The following USP50 variants were observed in gnomAD, a reference collection of about 807,000 sequenced individuals.
The protein encoded by USP50 is ubiquitin carboxyl-terminal hydrolase 50.
A neutral mutation model predicts 39.2 loss-of-function variants in USP50; 37 were observed. The observed-to-expected ratio is 0.94, with a 90% CI of 0.73 to 1.24. The LOEUF is 1.24. USP50 is among the 50% of genes most tolerant of loss of function. The probability of loss-of-function intolerance (pLI) is 0.00; values close to 1 mark genes in which losing one functional copy is unlikely to be tolerated. For missense variants in USP50, 374 were observed against 398.2 expected (o/e 0.94, Z 0.52); for synonymous variants, 139 against 144.5 (o/e 0.96, Z 0.27).
intron 6 of USP50, chr15:50,505,693 T>TTTTAATTA (rs1324980748): frequency 6.6e-6 from 1 of 152,360 alleles, no homozygotes; most frequent in African/African-American, 2.4e-5. Flanking sequence ...GCATGGTGGT[T>TTTTAATTA]CACACCTGTA....
intron 6 of USP50, chr15:50,504,174 A>T (rs1566900306): frequency 6.6e-6 from 1 of 152,202 alleles, no homozygotes; most frequent in Admixed American, 6.5e-5. Context: ...ATTAGATATT[A>T]TAAGTAATCC....
At position 50,517,433 on chromosome 15, in the gene USP50, T is replaced by C. The variant is rs918874641; in HGVS notation, c.936+12364A>G. On this transcript the variant is annotated intron_variant, in intron 6 of 6. Coordinates refer to ENST00000532404, the MANE Select transcript of USP50 (RefSeq NM_203494.5). ...GTTATGGTTAGCAGAGATCACACCA[T>C]TGGACTCCAGCCTAGGCAACAAGAG... 4.0e-5 allele frequency among the ~76,000 whole-genome samples: 6 copies of C among 151,246 alleles called. No homozygotes were observed. The South Asian group carries it at 8.3e-4, about 21-fold the overall frequency.
downstream of USP50, among the ~76,000 whole-genome samples, chr15:50,496,480 T>TAAAA: frequency 8.6e-6 from 1 of 116,498 alleles, no homozygotes; most frequent in African/African-American, 3.3e-5. Flanking sequence ...GACTCCGTCT[T>TAAAA]AAAAAAAAAA....
downstream of USP50, chr15:50,497,205 A>G: frequency 6.2e-7 from 1 of 1,609,834 alleles, no homozygotes; most frequent in African/African-American, 1.3e-5. Flanking sequence ...GGAAGTTACC[A>G]CCTGTGCTTT....
At chr15:50,536,080 A>T (rs1185374493) in intron 5 of USP50, among the ~76,000 whole-genome samples, 1 of 152,200 alleles carries the variant, frequency 6.6e-6, no homozygotes, top group Non-Finnish European at 1.5e-5. Context: ...CAAGGCAAGG[A>T]TGTCCCCTCA....
intron 6 of USP50, among the ~76,000 whole-genome samples, chr15:50,528,074 T>G (rs1458351909): frequency 6.6e-6 from 1 of 150,726 alleles, no homozygotes; most frequent in Admixed American, 6.6e-5. Flanking sequence ...AGTTTTTTTT[T>G]TTTTTTTTTT....
intron 1 of USP50, among the ~76,000 whole-genome samples, chr15:50,545,672 T>C (rs2053065700): frequency 6.6e-6 from 1 of 151,936 alleles, no homozygotes; most frequent in Non-Finnish European, 1.5e-5. Flanking sequence ...TATATGTGTA[T>C]GTATATAGCT....
At chr15:50,545,673 G>A (rs2053065718) in intron 1 of USP50, among the ~76,000 whole-genome samples, 1 of 151,688 alleles carries the variant, frequency 6.6e-6, no homozygotes, top group Non-Finnish European at 1.5e-5. Context: ...ATATGTGTAT[G>A]TATATAGCTA....
intron 6 of USP50, chr15:50,503,951 T>G (rs1459419333): frequency 1.3e-5 from 2 of 152,140 alleles, no homozygotes; most frequent in Non-Finnish European, 2.9e-5. Context: ...TAAAGTATAT[T>G]TAAATATATT....
At chr15:50,501,079 C>T (rs1291380146) in intron 6 of USP50, 1 of 437,828 alleles carries the variant, frequency 2.3e-6, no homozygotes, top group Non-Finnish European at 4.2e-6. Context: ...CAATATTTAG[C>T]AGCATCTGAT....
At chr15:50,523,087 C>A (rs188604111) in intron 6 of USP50, among the ~76,000 whole-genome samples, 314 of 151,968 alleles carry the variant, frequency 2.1e-3, no homozygotes, top group Admixed American at 0.017. Context: ...TATAGAGAAA[C>A]CCCTAAAAAC....
chr15:50,524,485 T>C (rs941243344), intron 6 of USP50, among the ~76,000 whole-genome samples: 6 of 152,192 alleles, frequency 3.9e-5, no homozygotes, highest in East Asian at 1.9e-4. Flanking sequence ...TCTCAAGACA[T>C]ACAAATGTCC....
intron 6 of USP50, chr15:50,504,665 G>GTT (rs1184287929): frequency 6.6e-6 from 1 of 152,122 alleles, no homozygotes; most frequent in African/African-American, 2.4e-5. Flanking sequence ...TTAACTTAAT[G>GTT]AAGATATTAG....
intron 5 of USP50, among the ~76,000 whole-genome samples, chr15:50,530,771 A>G (rs1022090179): frequency 9.2e-5 from 14 of 152,302 alleles, no homozygotes; most frequent in African/African-American, 3.1e-4. Flanking sequence ...GCAAAAAGAA[A>G]GGGATAACCA....
intron 6 of USP50, chr15:50,505,119 G>C (rs577215938): frequency 6.6e-6 from 1 of 152,304 alleles, no homozygotes; most frequent in South Asian, 2.1e-4. Flanking sequence ...GAAGTTCTAG[G>C]AGGAGAGAAT....
Position 50,538,772 on chromosome 15 carries a change from T to C in USP50, c.740A>G (p.Gln247Arg). ...EIHCSFCETK[Q>R]ETAVRASISK... ...AATACTGGCCCTCACAGCAGTTTCT[T>C]GCTTGGTTTCACAAAAGGAGCAGTG... Residue 247 changes from glutamine to arginine, a missense_variant, in exon 5 of 7, where the codon CAA becomes CGA. Physicochemically the swap from Gln to Arg is conservative, Grantham distance 43. Coordinates refer to ENST00000532404, the MANE Select transcript of USP50 (RefSeq NM_203494.5). 1 of 1,613,794 alleles carries C rather than the reference T, an allele frequency of 6.2e-7. No homozygotes were observed. The highest frequency in any genetic ancestry group is 8.5e-7 in the Non-Finnish European group (1 of 1,179,806).
At position 50,541,080 on chromosome 15, in the gene USP50, G is replaced by C; in HGVS notation, c.629C>G (p.Pro210Arg). The stretch of plus-strand genomic sequence containing the variant: ...GGAGCATTCATATTTGGATGGAATG[G>C]GGAGTGAGAAGACAGTGAAGACTTC... ...KNEVFTVFSL[P>R]IPSKYECSLR... is the part of the protein sequence containing the mutation. Residue 210 changes from proline to arginine, a missense_variant, in exon 4 of 7, where the codon CCC (proline) becomes CGC (arginine). By Grantham distance (103) the Pro-to-Arg change is moderately radical. Transcript: ENST00000532404. 6.2e-7 allele frequency: 1 copy of C among 1,613,906 alleles called. No homozygotes were observed. Among genetic ancestry groups the C allele is most frequent in the Non-Finnish European group, 8.5e-7 (1 of 1,179,824 alleles).
intron 5 of USP50, among the ~76,000 whole-genome samples, chr15:50,533,011 A>G (rs925951434): frequency 6.6e-6 from 1 of 152,250 alleles, no homozygotes; most frequent in Non-Finnish European, 1.5e-5. Context: ...AAGAAGAAAG[A>G]AAAAAGACTG....
chr15:50,495,774 A>G, downstream of USP50: 1 of 1,201,118 alleles, frequency 8.3e-7, no homozygotes, highest in Non-Finnish European at 1.2e-6. Context: ...AAGTGTTTGT[A>G]TTCACTTTTA....
Sources: allele counts gnomAD v4.1 joint callset (sites outside exome capture counted in the v4.1 genomes callset), GRCh38; gene constraint gnomAD v4.1.1; transcripts MANE v1.5; gene names NCBI Gene and HGNC (gene_info 2026-07-23, HGNC 2026-07-21).